Variants in TFB2M observed in about 807,000 individuals in gnomAD.
TFB2M encodes transcription factor B2, mitochondrial.
A neutral mutation model predicts 41.3 loss-of-function variants in TFB2M; 44 were observed. The ratio of observed to expected loss-of-function variants is 1.07; its 90% confidence interval spans 0.84 to 1.37. The LOEUF (loss-of-function observed/expected upper bound fraction) is 1.37, where lower values mean the gene tolerates loss of function less well. TFB2M is among the 40% of genes most tolerant of loss of function. TFB2M has a pLI of 0.00. For missense variants in TFB2M, 496 were observed against 490.2 expected, an observed-to-expected ratio of 1.01 and a Z score of -0.11; for synonymous variants, 188 against 176.8, an observed-to-expected ratio of 1.06 and a Z score of -0.50.
At chr1:246,562,003 C>A (rs565730314) in intron 2 of TFB2M, among the ~76,000 whole-genome samples, 1 of 152,024 alleles carries the variant, frequency 6.6e-6, no homozygotes, top group African/African-American at 2.4e-5. Flanking sequence ...CTTAAATCTT[C>A]GGACAATTAT....
In TFB2M at chr1:246,543,084, C is replaced by T. The variant is rs533725163; in HGVS notation, c.1019+1437G>A. On this transcript the variant is annotated intron_variant, in intron 7 of 7. Transcript: ENST00000366514. ...TTATGGCTCACTACAGCCTCCAATC[C>T]CCGGCCTCCTCAAGTGATCCTCCCA... 1.7e-4 allele frequency among the ~76,000 whole-genome samples: 25 copies of T among 150,892 alleles called. No individual in the cohort carries two copies. In the East Asian group the frequency reaches 3.9e-3, roughly 23 times the overall value.
intron 2 of TFB2M, among the ~76,000 whole-genome samples, chr1:246,558,075 A>G (rs1380673458): frequency 6.6e-6 from 1 of 152,200 alleles, no homozygotes; most frequent in Non-Finnish European, 1.5e-5. Context: ...TTAATACCTG[A>G]AAAGTGGCAA....
chr1:246,544,037 T>C (rs572827244), intron 7 of TFB2M, among the ~76,000 whole-genome samples: 1 of 152,246 alleles, frequency 6.6e-6, no homozygotes, highest in East Asian at 1.9e-4. Context: ...ATAAAGCAAG[T>C]AGTGTTACTT....
chr1:246,566,044 G>T lies in TFB2M; in HGVS notation c.95C>A (p.Thr32Lys). 6.2e-7 allele frequency: 1 copy of T among 1,614,158 alleles called. No homozygotes were observed. The highest frequency in any genetic ancestry group is 8.5e-7 in the Non-Finnish European group (1 of 1,180,034). Reference protein sequence around the residue: ...RFCILGSEAATRKHLPARNHC... With the variant: ...RFCILGSEAAKRKHLPARNHC... The stretch of plus-strand genomic sequence containing the variant: ...GTTCCTCGCCGGCAAATGCTTTCGC[G>T]TCGCCGCTTCAGACCCTAAAATGCA... The change falls in exon 1 of 8, where the codon ACG (threonine) becomes AAG (lysine). Residue 32 changes from threonine (T) to lysine (K), a missense_variant. Physicochemically the swap from Thr to Lys is moderately conservative, Grantham distance 78 (BLOSUM62 -1). Transcript: ENST00000366514.
rs1408490664 is a variant in TFB2M at position 246,551,348 on chromosome 1, C to G, written c.706-46G>C. 7 of 1,298,782 alleles carry G rather than the reference C, an allele frequency of 5.4e-6. No homozygotes were observed. In the Admixed American group the frequency reaches 1.0e-4, roughly 19 times the overall value. 80.5% of individuals were successfully genotyped at this position (1,298,782 alleles called of 1,614,324 possible). On this transcript the variant is annotated intron_variant, in intron 4 of 7. Coordinates refer to ENST00000366514, the MANE Select transcript of TFB2M (RefSeq NM_022366.3). ...ATTACATGTTATACACATCTATAATCAATTAAAAACAAATGCTGACTCTTA... is the reference window on the plus strand; with the variant it reads ...ATTACATGTTATACACATCTATAATGAATTAAAAACAAATGCTGACTCTTA...
In TFB2M at chr1:246,566,182, T is replaced by A; in HGVS notation, c.-44A>T. The A allele has an allele frequency of 6.4e-7, 1 of 1,570,292 alleles. No individual in the cohort carries two copies. Among genetic ancestry groups the A allele is most frequent in the Non-Finnish European group, 8.7e-7 (1 of 1,152,344 alleles). ...CGCTCCAAGAATCACCTAGTGCAGC[T>A]ACTACAGTGAACCCCACGCAGGGTA... is the stretch of plus-strand genomic sequence containing the variant. On this transcript the variant is annotated 5_prime_UTR_variant, in exon 1 of 8. Coordinates refer to ENST00000366514, the MANE Select transcript of TFB2M (RefSeq NM_022366.3).
At chr1:246,556,550 A>T in intron 4 of TFB2M, 23 bp downstream of exon 4, 4 of 1,438,600 alleles carry the variant, frequency 2.8e-6, no homozygotes, top group Non-Finnish European at 3.7e-6. Context: ...AGAACAAAAA[A>T]TAGGTATTTG....
chr1:246,546,312 T>TAAAAAAAGAAAAAAA (rs57261732), intron 6 of TFB2M, among the ~76,000 whole-genome samples: 52 of 140,234 alleles, frequency 3.7e-4, no homozygotes, highest in African/African-American at 5.0e-4. Flanking sequence ...CACTGTCTTT[T>TAAAAAAAGAAAAAAA]AAAAAAAGAA....
chr1:246,546,489 CCTGTA>C (rs1659022159), intron 6 of TFB2M, among the ~76,000 whole-genome samples: 1 of 151,664 alleles, frequency 6.6e-6, no homozygotes. Flanking sequence ...GTGGAGCATG[CCTGTA>C]ATCCCAGCAT....
chr1:246,548,480 A>C, intron 6 of TFB2M, 65 bp downstream of exon 6: 1 of 1,262,840 alleles, frequency 7.9e-7, no homozygotes, highest in Middle Eastern at 2.0e-4. Context: ...AAATAGTCCT[A>C]AAAAAATAAA....
chr1:246,565,556 A>T (rs1011459876), intron 1 of TFB2M, among the ~76,000 whole-genome samples: 2 of 152,132 alleles, frequency 1.3e-5, no homozygotes, highest in Admixed American at 1.3e-4. Context: ...TAGTAAAAAT[A>T]AGAAAATTAG....
intron 2 of TFB2M, 151 bp downstream of exon 2, chr1:246,564,195 T>G: frequency 4.7e-6 from 3 of 640,888 alleles, no homozygotes; most frequent in Non-Finnish European, 8.1e-6. Flanking sequence ...ATATTAACTG[T>G]GTTCTAGTCT....
intron 7 of TFB2M, among the ~76,000 whole-genome samples, chr1:246,544,129 T>A (rs1340438072): frequency 6.6e-6 from 1 of 152,180 alleles, no homozygotes; most frequent in African/African-American, 2.4e-5. Context: ...TAATTATCTA[T>A]CCCTACTCTG....
At chr1:246,562,704 G>T (rs1659486267) in intron 2 of TFB2M, among the ~76,000 whole-genome samples, 1 of 151,824 alleles carries the variant, frequency 6.6e-6, no homozygotes, top group African/African-American at 2.4e-5. Flanking sequence ...CAGTCGCCCA[G>T]GCTGCAGTGC....
At position 246,544,538 on chromosome 1, in the gene TFB2M, A is replaced by G. The variant is rs370818683; in HGVS notation, c.1002T>C (p.Thr334=). The G allele has an allele frequency of 8.7e-6, 14 of 1,605,354 alleles. No homozygotes were observed. In the African/African-American group the frequency reaches 1.6e-4, roughly 19 times the overall value. ...TTACTCACCGTAAGTGGTCTATTACAGTGGCGCTGCGCCTCCCAAAACAGT... is the reference window on the plus strand; with the variant it reads ...TTACTCACCGTAAGTGGTCTATTACGGTGGCGCTGCGCCTCCCAAAACAGT... ...LKHCFGRRSA[T]VIDHLRSLTP... is the part of the protein sequence containing the mutation. Residue 334 remains threonine, a synonymous_variant, in exon 7 of 8, where the codon ACT becomes ACC. Transcript: ENST00000366514.
chr1:246,565,602 C>T (rs1456945412), intron 1 of TFB2M, among the ~76,000 whole-genome samples: 3 of 152,178 alleles, frequency 2.0e-5, no homozygotes, highest in Non-Finnish European at 4.4e-5. Flanking sequence ...GTTCTTGCTA[C>T]TCGGGAGGCT....
At position 246,541,096 on chromosome 1, in the gene TFB2M, T is replaced by C; in HGVS notation, c.1126A>G (p.Thr376Ala). Residue 376 changes from threonine to alanine, a missense_variant, in exon 8 of 8, where the codon ACT becomes GCT. Coordinates refer to ENST00000366514, the MANE Select transcript of TFB2M (RefSeq NM_022366.3). Reference protein sequence around the residue: ...HPQDFKTLFETIERSKDCAYK... With the variant: ...HPQDFKTLFEAIERSKDCAYK... ...GCACAATCTTTGGAACGCTCTATAGTTTCAAAAAGTGTTTTGAAGTCTTGA... is the reference window on the plus strand; with the variant it reads ...GCACAATCTTTGGAACGCTCTATAGCTTCAAAAAGTGTTTTGAAGTCTTGA... 1 of 1,614,194 alleles carries C rather than the reference T, an allele frequency of 6.2e-7. No homozygotes were observed. Among genetic ancestry groups the C allele is most frequent in the East Asian group, 2.2e-5 (1 of 44,874 alleles).
At chr1:246,545,006 C>T (rs191640887) in intron 6 of TFB2M, among the ~76,000 whole-genome samples, 13,783 of 151,764 alleles carry the variant, frequency 0.091, 719 homozygotes, top group Non-Finnish European at 0.11. Flanking sequence ...GGGGTTTCAC[C>T]GTGTTAGCCA....
chr1:246,552,948 G>A lies in TFB2M; in HGVS notation c.706-1646C>T, dbSNP rs141453834. Among the ~76,000 whole-genome samples the A allele has an allele frequency of 9.5e-3, 1,446 of 151,816 alleles. 29 individuals carry two copies. The highest frequency in any genetic ancestry group is 0.033 in the African/African-American group (1,358 of 41,406). On this transcript the variant is annotated intron_variant, in intron 4 of 7. Coordinates refer to ENST00000366514, the MANE Select transcript of TFB2M (RefSeq NM_022366.3). ...GGAGGGAAAAAAAACCTGGCTGGGC[G>A]CTGTGGCTCATACCTGTAATCCCAG...
Sources: allele counts gnomAD v4.1 joint callset (sites outside exome capture counted in the v4.1 genomes callset), GRCh38; gene constraint gnomAD v4.1.1; transcripts MANE v1.5; gene names NCBI Gene and HGNC (gene_info 2026-07-23, HGNC 2026-07-21).